GALNT13: variants seen among roughly 807,000 people sequenced by gnomAD.
The protein encoded by GALNT13 is polypeptide N-acetylgalactosaminyltransferase 13.
Under a neutral mutation model 64.2 loss-of-function variants are expected in GALNT13, and 28 were observed. The ratio of observed to expected loss-of-function variants is 0.44; its 90% CI spans 0.32 to 0.60. GALNT13 has a LOEUF of 0.60. Ranked by LOEUF, GALNT13 falls within the 20% of genes least tolerant of loss-of-function variation. The pLI is 0.05. For missense variants in GALNT13, 577 were observed against 669.8 expected (o/e 0.86, Z 1.53); for synonymous variants, 214 against 224.6 (o/e 0.95, Z 0.42).
chr2:153,985,925 C>T (rs1483374571), intron 3 of GALNT13, among the ~76,000 whole-genome samples: 2 of 152,054 alleles, frequency 1.3e-5, no homozygotes, highest in African/African-American at 2.4e-5. Flanking sequence ...TAAGTTGTTA[C>T]GTGATCTCAG....
At chr2:153,528,317 A>G in the GALNT13 span, among the ~76,000 whole-genome samples, 1 of 152,018 alleles carries the variant, frequency 6.6e-6, no homozygotes, top group African/African-American at 2.4e-5. Context: ...GACAAAAACT[A>G]TAAGAAGATA....
chr2:153,087,720 G>A, the GALNT13 span, among the ~76,000 whole-genome samples: 1 of 152,046 alleles, frequency 6.6e-6, no homozygotes, highest in African/African-American at 2.4e-5. Context: ...TTCCCAGGAA[G>A]TTATCCATCT....
chr2:153,103,908 T>C, the GALNT13 span, among the ~76,000 whole-genome samples: 2 of 152,208 alleles, frequency 1.3e-5, no homozygotes, highest in Admixed American at 6.6e-5. Flanking sequence ...AGTGAAAATA[T>C]AATTCTTCCT....
At chr2:153,638,813 G>T in the GALNT13 span, among the ~76,000 whole-genome samples, 1 of 152,026 alleles carries the variant, frequency 6.6e-6, no homozygotes, top group African/African-American at 2.4e-5. Context: ...AAATGTCATT[G>T]GCTAAGAGTG....
the GALNT13 span, among the ~76,000 whole-genome samples, chr2:153,833,671 AGG>A: frequency 6.6e-6 from 1 of 152,174 alleles, no homozygotes; most frequent in Non-Finnish European, 1.5e-5. Context: ...GGCATGCACT[AGG>A]CGTCTTGAAA....
At chr2:153,118,146 C>CACACACACACACACA in the GALNT13 span, among the ~76,000 whole-genome samples, 2 of 144,424 alleles carry the variant, frequency 1.4e-5, no homozygotes, top group African/African-American at 2.7e-5. Flanking sequence ...CACACACACA[C>CACACACACACACACA]CCCACATAAA....
chr2:153,737,873 C>T, the GALNT13 span, among the ~76,000 whole-genome samples: 2 of 151,930 alleles, frequency 1.3e-5, no homozygotes, highest in Non-Finnish European at 2.9e-5. Context: ...CTAATATAGG[C>T]TACTTAAGTT....
At chr2:153,195,688 C>G in the GALNT13 span, among the ~76,000 whole-genome samples, 1 of 152,190 alleles carries the variant, frequency 6.6e-6, no homozygotes, top group African/African-American at 2.4e-5. Flanking sequence ...TGCAATGTGG[C>G]GAGCAAGGGA....
the GALNT13 span, among the ~76,000 whole-genome samples, chr2:153,108,147 G>C: frequency 6.6e-6 from 1 of 152,100 alleles, no homozygotes; most frequent in African/African-American, 2.4e-5. Flanking sequence ...CAAAATTCTG[G>C]GATTATAGGC....
At chr2:154,420,521 A>T (rs572450815) in intron 11 of GALNT13, among the ~76,000 whole-genome samples, 9 of 152,100 alleles carry the variant, frequency 5.9e-5, no homozygotes, top group Non-Finnish European at 1.3e-4. Flanking sequence ...ATTACTGTGA[A>T]ATGTATCCTT....
chr2:153,958,236 A>G (rs2105085340), intron 3 of GALNT13, among the ~76,000 whole-genome samples: 1 of 152,040 alleles, frequency 6.6e-6, no homozygotes, highest in South Asian at 2.1e-4. Context: ...ACCCACTGAG[A>G]GTTGGGAGAC....
the GALNT13 span, among the ~76,000 whole-genome samples, chr2:153,317,949 T>C: frequency 6.6e-6 from 1 of 152,056 alleles, no homozygotes; most frequent in African/African-American, 2.4e-5. Flanking sequence ...CAATCCCTGG[T>C]TGACAAATTT....
chr2:153,392,643 T>A, the GALNT13 span, among the ~76,000 whole-genome samples: 1 of 151,954 alleles, frequency 6.6e-6, no homozygotes, highest in Non-Finnish European at 1.5e-5. Context: ...TCTGGGGAGA[T>A]CAGTCTTTTT....
At chr2:153,990,164 A>C (rs2105186132) in intron 3 of GALNT13, among the ~76,000 whole-genome samples, 1 of 152,116 alleles carries the variant, frequency 6.6e-6, no homozygotes, top group Non-Finnish European at 1.5e-5. Flanking sequence ...AGATGTGAAA[A>C]ATTAAGGCCT....
At chr2:153,739,564 T>TA in the GALNT13 span, among the ~76,000 whole-genome samples, 22 of 141,346 alleles carry the variant, frequency 1.6e-4, no homozygotes, top group South Asian at 4.4e-4. Flanking sequence ...TTATTTATTA[T>TA]TTTATTTATT....
the GALNT13 span, among the ~76,000 whole-genome samples, chr2:153,511,912 C>T: frequency 3.3e-5 from 5 of 152,070 alleles, no homozygotes; most frequent in Admixed American, 2.6e-4. Flanking sequence ...GAACTGGAGT[C>T]TGGAGTCCAG....
At chr2:154,162,088 A>T (rs1027351402) in intron 4 of GALNT13, among the ~76,000 whole-genome samples, 17 of 152,062 alleles carry the variant, frequency 1.1e-4, no homozygotes, top group African/African-American at 4.1e-4. Context: ...GCACAAGTGT[A>T]TTTTTTTCTT....
At chr2:153,247,617 A>G in the GALNT13 span, among the ~76,000 whole-genome samples, 1 of 152,306 alleles carries the variant, frequency 6.6e-6, no homozygotes, top group Admixed American at 6.5e-5. Flanking sequence ...GAAGCTAGAA[A>G]GATCTCAGTT....
At chr2:153,926,292 A>C (rs891725694) in intron 2 of GALNT13, 1 of 152,052 alleles carries the variant, frequency 6.6e-6, no homozygotes. Context: ...CTGAAGATTT[A>C]ATTGGATTTG....
Sources: allele counts gnomAD v4.1 joint callset (sites outside exome capture counted in the v4.1 genomes callset), GRCh38; gene constraint gnomAD v4.1.1; transcripts MANE v1.5; gene names NCBI Gene and HGNC (gene_info 2026-07-23, HGNC 2026-07-21).